MAPK8: variants seen among roughly 807,000 people sequenced by gnomAD.
The protein encoded by MAPK8 is mitogen-activated protein kinase 8, also known as JUN N-terminal kinase.
MAPK8 carries 13 observed loss-of-function variants against 52.9 expected under a neutral mutation model. The observed-to-expected ratio is 0.25, with a 90% CI of 0.16 to 0.39. The LOEUF is 0.39. Ranked by LOEUF, MAPK8 falls within the 10% of genes least tolerant of loss-of-function variation. MAPK8 has a pLI of 1.00. For synonymous variants in MAPK8, 191 were observed against 169.8 expected (o/e 1.12, Z -0.97); for missense variants, 300 against 519.2 (o/e 0.58, Z 4.10).
At chr10:48,344,038 T>G (rs1007868773) in intron 1 of MAPK8, among the ~76,000 whole-genome samples, 2 of 152,186 alleles carry the variant, frequency 1.3e-5, no homozygotes, top group Non-Finnish European at 2.9e-5. Flanking sequence ...CCCGTGAACA[T>G]TTTTGGTGTA....
intron 1 of MAPK8, among the ~76,000 whole-genome samples, chr10:48,370,977 T>G (rs889660838): frequency 3.9e-5 from 6 of 152,120 alleles, no homozygotes; most frequent in African/African-American, 1.4e-4. Flanking sequence ...GCTTACAAGC[T>G]TTGAGAATTT....
In MAPK8 at chr10:48,363,025, C is replaced by T. The variant is rs571719444; in HGVS notation, c.-49-38587C>T. Among the ~76,000 whole-genome samples the T allele has an allele frequency of 2.6e-5, 4 of 152,194 alleles. No individual in the cohort carries two copies. In the East Asian group the frequency reaches 5.8e-4, roughly 22 times the overall value. On this transcript the variant is annotated intron_variant, in intron 1 of 11. Coordinates refer to ENST00000374189, the MANE Select transcript of MAPK8 (RefSeq NM_001323329.2). The stretch of plus-strand genomic sequence containing the variant: ...AAGGGTTGGGATTACAGGCGTGAAC[C>T]GCCACACCTAGCGTGGTATTTATTT...
chr10:48,399,628 T>C (rs556023240), intron 1 of MAPK8, among the ~76,000 whole-genome samples: 2 of 152,356 alleles, frequency 1.3e-5, no homozygotes, highest in Admixed American at 1.3e-4. Flanking sequence ...GCATGCATGT[T>C]CCTGGATCTA....
chr10:48,338,842 C>CCA (rs919249943), intron 1 of MAPK8, among the ~76,000 whole-genome samples: 6 of 151,384 alleles, frequency 4.0e-5, no homozygotes, highest in African/African-American at 1.4e-4. Flanking sequence ...AACACACACA[C>CCA]CACACACACA....
chr10:48,379,938 T>TAAAAAAAAA (rs373050540), intron 1 of MAPK8, among the ~76,000 whole-genome samples: 2 of 115,872 alleles, frequency 1.7e-5, no homozygotes, highest in African/African-American at 6.7e-5. Flanking sequence ...ACAAAGCTCT[T>TAAAAAAAAA]AAAAAAAAAA....
At chr10:48,326,183 T>C (rs571935387) in intron 1 of MAPK8, among the ~76,000 whole-genome samples, 1 of 152,362 alleles carries the variant, frequency 6.6e-6, no homozygotes, top group East Asian at 1.9e-4. Flanking sequence ...TTTGGAATCC[T>C]TCTGTGCAGG....
chr10:48,306,780 C>G lies in MAPK8; in HGVS notation c.-91C>G, dbSNP rs1018962104. ...GCGACCACCCCGGACGGCCCCTGTC[C>G]CCGCTGGCGGGCTTCCCTGTCGCCG... On this transcript the variant is annotated 5_prime_UTR_variant, in exon 1 of 12. Coordinates refer to ENST00000374189, the MANE Select transcript of MAPK8 (RefSeq NM_001323329.2). 1 of 151,584 alleles carries G rather than the reference C, an allele frequency of 6.6e-6. No individual in the cohort carries two copies. The highest frequency in any genetic ancestry group is 1.5e-5 in the Non-Finnish European group (1 of 67,844). 9.4% of individuals were successfully genotyped at this position (151,584 alleles called of 1,614,324 possible).
intron 3 of MAPK8, 52 bp from the exon 4 acceptor site, chr10:48,409,827 A>T: frequency 2.4e-6 from 3 of 1,251,668 alleles, no homozygotes; most frequent in Non-Finnish European, 3.4e-6. Flanking sequence ...TTCCCAAATT[A>T]AAATATTATG....
chr10:48,414,021 A>G (rs567313690), intron 5 of MAPK8, among the ~76,000 whole-genome samples: 16 of 151,554 alleles, frequency 1.1e-4, no homozygotes, highest in East Asian at 1.9e-4. Flanking sequence ...AGAAAATTCT[A>G]TTGCCCTAAA....
intron 1 of MAPK8, among the ~76,000 whole-genome samples, chr10:48,389,890 C>G (rs1370589917): frequency 2.6e-5 from 4 of 151,982 alleles, no homozygotes; most frequent in Admixed American, 6.6e-5. Flanking sequence ...TCAAGTAAGG[C>G]ATCTCTGAGG....
rs1163152520 is a variant in MAPK8, at chr10:48,427,329, G to C, written c.1060+186G>C. The stretch of plus-strand genomic sequence containing the variant: ...CCTTAACTTAATCTTAAGTTCCCAA[G>C]TTTCCCACCCCAGACACAGACACAT... On this transcript the variant is annotated intron_variant, in intron 10 of 11. Transcript: ENST00000374189. 1.5e-5 allele frequency: 7 copies of C among 474,844 alleles called. No homozygotes were observed. The Admixed American group carries it at 2.0e-4, about 13-fold the overall frequency. The allele number at this position is 474,844 out of a possible 1,614,324, so 29.4% of individuals were successfully genotyped here. A position where few individuals can be genotyped will look rare whatever the true frequency, so the allele number is the denominator to read the frequency against.
At chr10:48,431,315 G>A in intron 11 of MAPK8, 45 bp downstream of exon 11, 1 of 1,339,022 alleles carries the variant, frequency 7.5e-7, no homozygotes, top group Non-Finnish European at 1.1e-6. Flanking sequence ...TTTACTTCTT[G>A]TGTTGTAATC....
intron 3 of MAPK8, among the ~76,000 whole-genome samples, chr10:48,408,529 C>A (rs915664723): frequency 6.6e-6 from 1 of 152,194 alleles, no homozygotes; most frequent in African/African-American, 2.4e-5. Context: ...TAATATAGGA[C>A]TTAGCAGGAG....
At chr10:48,420,665 A>G (rs1309037891) in intron 6 of MAPK8, among the ~76,000 whole-genome samples, 1 of 152,176 alleles carries the variant, frequency 6.6e-6, no homozygotes, top group Non-Finnish European at 1.5e-5. Flanking sequence ...CTGACAGTTT[A>G]TTATTAGTGT....
chr10:48,317,484 AAG>A (rs1240714671), intron 1 of MAPK8, among the ~76,000 whole-genome samples: 1 of 152,322 alleles, frequency 6.6e-6, no homozygotes, highest in South Asian at 2.1e-4. Flanking sequence ...CACTTTGAAA[AAG>A]AGTGAGAAAT....
chr10:48,364,239 T>C (rs1376755480), intron 1 of MAPK8, among the ~76,000 whole-genome samples: 1 of 152,200 alleles, frequency 6.6e-6, no homozygotes, highest in Non-Finnish European at 1.5e-5. Context: ...GGGAGCTCAC[T>C]GCGTTAATTC....
chr10:48,421,518 A>G (rs1220638276), intron 6 of MAPK8, among the ~76,000 whole-genome samples: 1 of 152,106 alleles, frequency 6.6e-6, no homozygotes, highest in Non-Finnish European at 1.5e-5. Context: ...CATATATAGA[A>G]TTGAGGCTGG....
At chr10:48,383,430 A>C (rs1009061629) in intron 1 of MAPK8, among the ~76,000 whole-genome samples, 68 of 152,308 alleles carry the variant, frequency 4.5e-4, no homozygotes, top group African/African-American at 1.5e-3. Context: ...GAGTCATATT[A>C]ATATTGTAAT....
chr10:48,332,084 C>T (rs1321793388), intron 1 of MAPK8, among the ~76,000 whole-genome samples: 2 of 152,178 alleles, frequency 1.3e-5, no homozygotes, highest in Non-Finnish European at 2.9e-5. Flanking sequence ...TCAATATTTT[C>T]TACCAGGTCA....
Sources: gnomAD v4.1 joint callset for allele counts (sites outside exome capture counted in the v4.1 genomes callset) on GRCh38, gnomAD v4.1.1 for gene constraint, MANE v1.5 for transcripts, NCBI Gene and HGNC (gene_info 2026-07-23, HGNC 2026-07-21) for gene names.